Variants in GRIK1 observed in about 807,000 individuals in gnomAD.
GRIK1 encodes glutamate receptor ionotropic, kainate 1.
Under a neutral mutation model 105.7 loss-of-function variants are expected in GRIK1, and 69 were observed. The observed-to-expected ratio is 0.65, with a 90% CI of 0.54 to 0.80. The LOEUF (loss-of-function observed/expected upper bound fraction) is 0.80, where lower values mean the gene tolerates loss of function less well. Among genes scored for constraint, GRIK1 ranks in the 30% least tolerant of loss-of-function variants. The pLI is 0.00. For missense variants in GRIK1, 1,109 were observed against 1,167.3 expected (o/e 0.95, Z 0.73); for synonymous variants, 438 against 431.3 (o/e 1.02, Z -0.19).
intron 3 of GRIK1, 152 bp from the exon 4 acceptor site, chr21:29,673,316 T>A: frequency 1.8e-6 from 1 of 541,368 alleles, no homozygotes; most frequent in Non-Finnish European, 3.3e-6. Flanking sequence ...GTCACTCATC[T>A]TCCTGTGGTG....
chr21:29,907,192 A>C (rs1387798923), intron 1 of GRIK1, among the ~76,000 whole-genome samples: 1 of 152,002 alleles, frequency 6.6e-6, no homozygotes, highest in East Asian at 1.9e-4. Context: ...AATTCAATAC[A>C]ATCTCCCTCA....
At chr21:29,912,311 C>T (rs544992092) in intron 1 of GRIK1, among the ~76,000 whole-genome samples, 1 of 152,070 alleles carries the variant, frequency 6.6e-6, no homozygotes, top group Non-Finnish European at 1.5e-5. Context: ...GACATGCCAG[C>T]CGCTAGATAA....
intron 1 of GRIK1, among the ~76,000 whole-genome samples, chr21:29,792,657 TC>T (rs2066451165): frequency 1.3e-5 from 2 of 152,226 alleles, no homozygotes; most frequent in Admixed American, 6.5e-5. Flanking sequence ...ATATGCCTGC[TC>T]TGAAATATTT....
chr21:29,929,824 C>A (rs1340738764), intron 1 of GRIK1, among the ~76,000 whole-genome samples: 3 of 152,080 alleles, frequency 2.0e-5, no homozygotes, highest in Non-Finnish European at 4.4e-5. Flanking sequence ...AGGTATATAT[C>A]CAAGGGAATT....
intron 1 of GRIK1, among the ~76,000 whole-genome samples, chr21:29,802,450 G>A (rs948946034): frequency 5.3e-5 from 8 of 151,856 alleles, no homozygotes; most frequent in Non-Finnish European, 1.0e-4. Flanking sequence ...CCAACACACA[G>A]TAGAATAACT....
chr21:29,789,204 G>T (rs466035), intron 1 of GRIK1, among the ~76,000 whole-genome samples: 123,219 of 152,138 alleles, frequency 0.81, 50,616 homozygotes, highest in Non-Finnish European at 0.88. Flanking sequence ...TTAGATAAGG[G>T]TTGGGAATGA....
chr21:29,758,776 T>A (rs1420414437), intron 1 of GRIK1: 1 of 152,648 alleles, frequency 6.6e-6, no homozygotes, highest in Non-Finnish European at 1.5e-5. Context: ...TTTTAGGTCA[T>A]TAGTGTGCGT....
intron 8 of GRIK1, among the ~76,000 whole-genome samples, chr21:29,598,056 G>A (rs578144569): frequency 3.3e-5 from 5 of 152,202 alleles, no homozygotes; most frequent in Admixed American, 2.6e-4. Flanking sequence ...ATTGCTTTGG[G>A]GGTTTCAATT....
chr21:29,684,295 TATC>T (rs35151602), intron 3 of GRIK1, among the ~76,000 whole-genome samples: 1 of 143,126 alleles, frequency 7.0e-6, no homozygotes, highest in Admixed American at 7.0e-5. Flanking sequence ...TCTATCTATC[TATC>T]ATCTATCTAC....
chr21:29,748,005 A>G (rs575736106), intron 1 of GRIK1, among the ~76,000 whole-genome samples: 21 of 152,316 alleles, frequency 1.4e-4, no homozygotes, highest in African/African-American at 4.3e-4. Context: ...ATAAAATAAA[A>G]GAGACATGCC....
chr21:29,695,904 A>G (rs1411905094), intron 1 of GRIK1, among the ~76,000 whole-genome samples: 4 of 151,996 alleles, frequency 2.6e-5, no homozygotes, highest in Admixed American at 6.6e-5. Flanking sequence ...TCAAAGGGGG[A>G]AAAAAAAGAA....
At chr21:29,736,633 C>A (rs902369676) in intron 1 of GRIK1, among the ~76,000 whole-genome samples, 1 of 151,784 alleles carries the variant, frequency 6.6e-6, no homozygotes, top group Admixed American at 6.6e-5. Flanking sequence ...TAGACTTTAA[C>A]AATGCTTGTT....
chr21:29,560,381 CT>C (rs1387156842), intron 15 of GRIK1, among the ~76,000 whole-genome samples: 5 of 64,706 alleles, frequency 7.7e-5, no homozygotes, highest in Admixed American at 1.8e-4. Flanking sequence ...TCCTTCCTTC[CT>C]TCCTTCCTTC....
intron 1 of GRIK1, among the ~76,000 whole-genome samples, chr21:29,724,101 A>G (rs1200516353): frequency 6.6e-6 from 1 of 152,238 alleles, no homozygotes; most frequent in Non-Finnish European, 1.5e-5. Flanking sequence ...GGCTATGTAT[A>G]TGTAGAAGAA....
chr21:29,823,952 C>A (rs1174888842), intron 1 of GRIK1, among the ~76,000 whole-genome samples: 1 of 151,762 alleles, frequency 6.6e-6, no homozygotes, highest in East Asian at 1.9e-4. Context: ...CATGGAGGGT[C>A]ATAAGAAGAC....
chr21:29,557,870 TC>T (rs1249843760), intron 15 of GRIK1, among the ~76,000 whole-genome samples: 5 of 152,164 alleles, frequency 3.3e-5, no homozygotes, highest in Non-Finnish European at 7.4e-5. Context: ...TAAGAATGAT[TC>T]TTATGTTAGT....
At chr21:29,605,822 T>C (rs2061603414) in intron 7 of GRIK1, among the ~76,000 whole-genome samples, 2 of 152,186 alleles carry the variant, frequency 1.3e-5, no homozygotes, top group South Asian at 4.1e-4. Context: ...ACTGAATAAA[T>C]TGTTTCCTAT....
At chr21:29,738,351 A>G (rs2064848293) in intron 1 of GRIK1, among the ~76,000 whole-genome samples, 1 of 152,358 alleles carries the variant, frequency 6.6e-6, no homozygotes, top group East Asian at 1.9e-4. Flanking sequence ...ACCTTTGAGA[A>G]GATTCCAAAC....
At chr21:29,570,059 A>G (rs991807882) in intron 14 of GRIK1, among the ~76,000 whole-genome samples, 4 of 152,126 alleles carry the variant, frequency 2.6e-5, no homozygotes, top group Non-Finnish European at 4.4e-5. Flanking sequence ...GGGAGTTGGG[A>G]GCGAAGGAAA....
Sources: gnomAD v4.1 joint callset for allele counts (sites outside exome capture counted in the v4.1 genomes callset) on GRCh38, gnomAD v4.1.1 for gene constraint, MANE v1.5 for transcripts, NCBI Gene and HGNC (gene_info 2026-07-23, HGNC 2026-07-21) for gene names.